STK38L: variants seen among roughly 807,000 people sequenced by gnomAD.
STK38L encodes serine/threonine-protein kinase 38-like.
STK38L carries 28 observed loss-of-function variants against 59.7 expected under a neutral mutation model. The observed-to-expected ratio is 0.47, with a 90% CI of 0.35 to 0.64. The LOEUF is 0.64. STK38L is among the 30% of genes least tolerant of loss of function. The probability of loss-of-function intolerance (pLI) is 0.01; values close to 1 mark genes in which losing one functional copy is unlikely to be tolerated. For synonymous variants in STK38L, 162 were observed against 176.8 expected (o/e 0.92, Z 0.66); for missense variants, 314 against 555.8 (o/e 0.56, Z 4.37).
chr12:27,310,453 G>A (rs1343914452), intron 5 of STK38L, among the ~76,000 whole-genome samples: 1 of 152,116 alleles, frequency 6.6e-6, no homozygotes, highest in East Asian at 1.9e-4. Context: ...ATAATAGGAA[G>A]GACAGAAGGA....
intron 1 of STK38L, among the ~76,000 whole-genome samples, chr12:27,278,007 G>GT: frequency 6.6e-6 from 1 of 152,206 alleles, no homozygotes; most frequent in Non-Finnish European, 1.5e-5. Context: ...TTCAGGTCAT[G>GT]TATAAGGAGA....
intron 9 of STK38L, among the ~76,000 whole-genome samples, chr12:27,316,803 A>G (rs577628763): frequency 6.6e-6 from 1 of 152,370 alleles, no homozygotes; most frequent in African/African-American, 2.4e-5. Flanking sequence ...TACAAAACAC[A>G]TGCCGTTTAT....
intron 9 of STK38L, 29 bp downstream of exon 9, chr12:27,315,379 T>C (rs1242413460): frequency 3.1e-6 from 5 of 1,588,018 alleles, no homozygotes; most frequent in Non-Finnish European, 4.3e-6. Context: ...AAGAGAATTT[T>C]ATGCCTTGGT....
chr12:27,287,973 C>T (rs1488768014), intron 1 of STK38L, among the ~76,000 whole-genome samples: 2 of 152,196 alleles, frequency 1.3e-5, no homozygotes, highest in Non-Finnish European at 2.9e-5. Context: ...ACCTCTGCCT[C>T]CCGGGTTCAA....
At chr12:27,250,188 G>C (rs796517201) in intron 1 of STK38L, among the ~76,000 whole-genome samples, 17 of 152,178 alleles carry the variant, frequency 1.1e-4, no homozygotes, top group African/African-American at 3.9e-4. Flanking sequence ...TTTTCAGGGG[G>C]CCAAGTTCTC....
chr12:27,300,533 C>T (rs1213224829), intron 2 of STK38L: 1 of 456,074 alleles, frequency 2.2e-6, no homozygotes, highest in South Asian at 1.5e-5. Flanking sequence ...GGTCCTCTTA[C>T]TCTCTGGATT....
At chr12:27,318,629 A>G (rs1308227390) in intron 11 of STK38L, among the ~76,000 whole-genome samples, 1 of 152,178 alleles carries the variant, frequency 6.6e-6, no homozygotes, top group Admixed American at 6.5e-5. Flanking sequence ...AAACTATTTA[A>G]ATGTTCAACA....
At chr12:27,320,271 T>C (rs889521048) in intron 12 of STK38L, among the ~76,000 whole-genome samples, 1 of 152,072 alleles carries the variant, frequency 6.6e-6, no homozygotes, top group African/African-American at 2.4e-5. Context: ...CCTATTATTA[T>C]TACTTATTTT....
chr12:27,261,187 C>T (rs1202294696), intron 1 of STK38L, among the ~76,000 whole-genome samples: 2 of 152,284 alleles, frequency 1.3e-5, no homozygotes, highest in African/African-American at 2.4e-5. Flanking sequence ...GAAGGGTTAG[C>T]AAGGCATTTA....
At chr12:27,314,757 T>C (rs1951565670) in intron 7 of STK38L, 99 bp downstream of exon 7, 1 of 1,324,260 alleles carries the variant, frequency 7.6e-7, no homozygotes, top group Non-Finnish European at 1.0e-6. Flanking sequence ...ATTTAGAATA[T>C]TGCTAAACAA....
chr12:27,300,139 GA>G (rs1019891280), intron 2 of STK38L, among the ~76,000 whole-genome samples: 3 of 150,694 alleles, frequency 2.0e-5, no homozygotes, highest in South Asian at 2.1e-4. Context: ...CTGTGTTATT[GA>G]AAAAAAAAGT....
At chr12:27,274,226 A>G (rs1943483919) in intron 1 of STK38L, among the ~76,000 whole-genome samples, 2 of 84,486 alleles carry the variant, frequency 2.4e-5, no homozygotes, top group African/African-American at 8.0e-5. Flanking sequence ...ACAGAGCAAG[A>G]CTCTGTCAAA....
At position 27,315,355 on chromosome 12, in the gene STK38L, G is replaced by A; in HGVS notation, c.837+5G>A. 1 of 1,611,324 alleles carries A rather than the reference G, an allele frequency of 6.2e-7. No homozygotes were observed. Among genetic ancestry groups the A allele is most frequent in the East Asian group, 2.2e-5 (1 of 44,688 alleles). ...AAGAAGAACAGGAGACAACTGGTGAGTCAACCAGTTTTTAAGAGAATTTTA... is the reference window on the plus strand; with the variant it reads ...AAGAAGAACAGGAGACAACTGGTGAATCAACCAGTTTTTAAGAGAATTTTA... On this transcript the variant is annotated splice_donor_5th_base_variant and intron_variant, in intron 9 of 13. Transcript: ENST00000389032.
intron 1 of STK38L, among the ~76,000 whole-genome samples, chr12:27,268,167 G>T (rs1943339106): frequency 6.7e-6 from 1 of 150,230 alleles, no homozygotes; most frequent in Non-Finnish European, 1.5e-5. Context: ...TGCACAATGT[G>T]CATGTTAGTT....
At chr12:27,291,570 T>C (rs1266968367) in intron 1 of STK38L, among the ~76,000 whole-genome samples, 2 of 152,198 alleles carry the variant, frequency 1.3e-5, no homozygotes, top group Non-Finnish European at 2.9e-5. Context: ...TAAATGTTGG[T>C]TGAAAATAAA....
At chr12:27,252,286 G>A (rs1212630603) in intron 1 of STK38L, among the ~76,000 whole-genome samples, 1 of 152,146 alleles carries the variant, frequency 6.6e-6, no homozygotes, top group Non-Finnish European at 1.5e-5. Context: ...GCCTACAAAA[G>A]CACTTTTGTA....
At chr12:27,249,940 T>A (rs1296124043) in intron 1 of STK38L, among the ~76,000 whole-genome samples, 2 of 152,224 alleles carry the variant, frequency 1.3e-5, no homozygotes, top group Admixed American at 1.3e-4. Context: ...TGGGACACTT[T>A]TACTGCTTTT....
At chr12:27,308,000 A>G (rs1944356648) in intron 3 of STK38L, among the ~76,000 whole-genome samples, 1 of 152,172 alleles carries the variant, frequency 6.6e-6, no homozygotes, top group African/African-American at 2.4e-5. Flanking sequence ...ATTTCCTGAC[A>G]GAATAAAAAT....
chr12:27,284,865 C>A (rs1943736942), intron 1 of STK38L, among the ~76,000 whole-genome samples: 2 of 152,148 alleles, frequency 1.3e-5, no homozygotes, highest in Admixed American at 1.3e-4. Context: ...ATTCTGGTAT[C>A]TTAATGGGAT....
Sources: gnomAD v4.1 joint callset for allele counts (sites outside exome capture counted in the v4.1 genomes callset) on GRCh38, gnomAD v4.1.1 for gene constraint, MANE v1.5 for transcripts, NCBI Gene and HGNC (gene_info 2026-07-23, HGNC 2026-07-21) for gene names.